Variants in COL27A1 observed in about 807,000 individuals in gnomAD.
COL27A1 encodes collagen alpha-1(XXVII) chain.
In COL27A1, 106 loss-of-function variants were observed where a neutral mutation model predicts 251.3. The observed-to-expected ratio is 0.42, with a 90% confidence interval of 0.36 to 0.50. COL27A1 has a LOEUF of 0.50. COL27A1 is among the 20% of genes least tolerant of loss of function. The pLI is 0.00. For synonymous variants in COL27A1, 1,000 were observed against 986.3 expected, an observed-to-expected ratio of 1.01 and a Z score of -0.26; for missense variants, 2,325 against 2,522.8, an observed-to-expected ratio of 0.92 and a Z score of 1.68.
rs2131663323 is a variant in COL27A1 at position 114,301,141 on chromosome 9, G to C, written c.4755+16G>C. Reference sequence around the variant, plus strand: ...GGGACTCCCGGTATGTGTGGGGATTGGACAGGAAGACTCCGGGGTCCCCTT... The same window carrying C: ...GGGACTCCCGGTATGTGTGGGGATTCGACAGGAAGACTCCGGGGTCCCCTT... On this transcript the variant is annotated intron_variant, in intron 52 of 60. Transcript: ENST00000356083. 1 of 1,613,734 alleles carries C rather than the reference G, an allele frequency of 6.2e-7. No individual in the cohort carries two copies. Among genetic ancestry groups the C allele is most frequent in the Non-Finnish European group, 8.5e-7 (1 of 1,179,780 alleles).
chr9:114,209,965 A>C (rs1055678801), intron 11 of COL27A1, among the ~76,000 whole-genome samples: 1 of 152,216 alleles, frequency 6.6e-6, no homozygotes. Context: ...CAACACTGCC[A>C]AAGTGCTGCG....
At chr9:114,223,004 C>T (rs1240519575) in intron 14 of COL27A1, among the ~76,000 whole-genome samples, 2 of 152,172 alleles carry the variant, frequency 1.3e-5, no homozygotes, top group Non-Finnish European at 2.9e-5. Context: ...CTGAGAGAGG[C>T]CTATACACGA....
rs1442532713 is a variant in COL27A1 at position 114,168,367 on chromosome 9, A to C, written c.812A>C (p.Asn271Thr). 6.2e-7 allele frequency: 1 copy of C among 1,613,274 alleles called. No homozygotes were observed. The highest frequency in any genetic ancestry group is 8.5e-7 in the Non-Finnish European group (1 of 1,179,990). ...QSDLALLGLENLTTATPALGS... is the reference protein window; with the variant it reads ...QSDLALLGLETLTTATPALGS... ...GACCTCGCCCTGCTAGGCCTGGAGA[A>C]CTTGACCACTGCCACACCAGCCCTG... The change falls in exon 3 of 61, where the codon AAC (asparagine) becomes ACC (threonine). Residue 271 changes from asparagine to threonine, a missense_variant. Asn to Thr is a moderately conservative substitution (Grantham distance 65, BLOSUM62 0). Around this residue, in one of 4 missense-constraint regions of COL27A1, gnomAD observed 1,183 missense variants for 1,144.1 expected, o/e 1.03. Transcript: ENST00000356083.
chr9:114,179,008 C>A (rs1827691919), intron 4 of COL27A1, among the ~76,000 whole-genome samples: 1 of 152,124 alleles, frequency 6.6e-6, no homozygotes. Flanking sequence ...GACTGGAACC[C>A]AGGCTCTTAC....
intron 44 of COL27A1, 41 bp from the exon 45 acceptor site, chr9:114,289,201 A>G: frequency 6.5e-7 from 1 of 1,541,222 alleles, no homozygotes; most frequent in Non-Finnish European, 8.8e-7. Context: ...CCCGGGAGAG[A>G]ATCCTGGGGC....
intron 37 of COL27A1, among the ~76,000 whole-genome samples, chr9:114,278,336 G>T (rs1225189243): frequency 9.1e-5 from 4 of 43,882 alleles, no homozygotes; most frequent in African/African-American, 3.2e-4. Flanking sequence ...TGGTGATGGT[G>T]GTGCTGGTGC....
chr9:114,304,096 C>A (rs139197469), intron 56 of COL27A1, among the ~76,000 whole-genome samples: 69 of 152,356 alleles, frequency 4.5e-4, no homozygotes, highest in African/African-American at 1.5e-3. Flanking sequence ...CCGGCTTGAA[C>A]AACTAAACTG....
At position 114,292,154 on chromosome 9, in the gene COL27A1, G is replaced by A; in HGVS notation, c.4528G>A (p.Glu1510Lys). 2 of 1,562,574 alleles carry A rather than the reference G, an allele frequency of 1.3e-6. No individual in the cohort carries two copies. Among genetic ancestry groups the A allele is most frequent in the Non-Finnish European group, 1.7e-6 (2 of 1,153,206 alleles). The part of the protein sequence containing the change: ...QLGPPGKRGT[E>K]GRTGLPGNQG... ...GGGTCCCCCTGGCAAGCGAGGAACA[G>A]AGGGCAGAACGGGGCTCCCTGGAAA... Residue 1510 changes from glutamate to lysine, a missense_variant, in exon 49 of 61, where the codon GAG becomes AAG. Glu to Lys is a moderately conservative substitution (Grantham distance 56). Around this residue, in one of 4 missense-constraint regions of COL27A1, gnomAD observed 153 missense variants for 140.7 expected, o/e 1.09. Coordinates refer to ENST00000356083, the MANE Select transcript of COL27A1 (RefSeq NM_032888.4).
chr9:114,309,841 G>A (rs957978331), intron 60 of COL27A1, among the ~76,000 whole-genome samples: 3 of 152,134 alleles, frequency 2.0e-5, no homozygotes, highest in Non-Finnish European at 2.9e-5. Flanking sequence ...TCCTGAACAG[G>A]GTGGGTTGTC....
At chr9:114,254,488 G>C (rs1333158154) in intron 27 of COL27A1, among the ~76,000 whole-genome samples, 3 of 152,154 alleles carry the variant, frequency 2.0e-5, no homozygotes, top group Non-Finnish European at 2.9e-5. Flanking sequence ...CCAAAGCCAG[G>C]GGTCAGGGCT....
At chr9:114,231,691 C>A in intron 15 of COL27A1, 131 bp from the exon 16 acceptor site, 1 of 894,910 alleles carries the variant, frequency 1.1e-6, no homozygotes. Flanking sequence ...CATTTGCCCC[C>A]TTTTACAGAT....
chr9:114,256,305 C>T (rs1164150507), intron 27 of COL27A1, among the ~76,000 whole-genome samples: 1 of 152,160 alleles, frequency 6.6e-6, no homozygotes, highest in African/African-American at 2.4e-5. Context: ...GCCTGGCTAA[C>T]ACGGTGAAAC....
At chr9:114,297,179 A>T (rs550763773) in intron 49 of COL27A1, among the ~76,000 whole-genome samples, 1 of 152,338 alleles carries the variant, frequency 6.6e-6, no homozygotes, top group Non-Finnish European at 1.5e-5. Flanking sequence ...AAATCAGATT[A>T]TACAATTTAA....
intron 35 of COL27A1, among the ~76,000 whole-genome samples, chr9:114,270,379 G>A (rs1411440072): frequency 6.6e-6 from 1 of 152,224 alleles, no homozygotes; most frequent in Non-Finnish European, 1.5e-5. Context: ...CTGCAGCCCA[G>A]CCAACCAGCC....
chr9:114,290,348 A>G lies in COL27A1; in HGVS notation c.4368+17A>G. 1.3e-6 allele frequency: 2 copies of G among 1,554,504 alleles called. No homozygotes were observed. The highest frequency in any genetic ancestry group is 1.2e-5 in the South Asian group (1 of 84,874). On this transcript the variant is annotated intron_variant, in intron 47 of 60. Transcript: ENST00000356083. This position sits in a 1 kb window ranked among gnomAD's most constrained non-coding sequence, Gnocchi z 4.6. ...GGACAGCAGGTGAGCGGGAATTGGC[A>G]TTAACAGATGGTGGCTCCATTTGGG... is the stretch of plus-strand genomic sequence containing the variant.
chr9:114,289,998 G>A (rs1056379722), intron 45 of COL27A1, 60 bp from the exon 46 acceptor site: 255 of 1,571,590 alleles, frequency 1.6e-4, no homozygotes, highest in Non-Finnish European at 2.2e-4. Flanking sequence ...TCCTTCCAGA[G>A]CCCCTAGGGT....
intron 3 of COL27A1, among the ~76,000 whole-genome samples, chr9:114,173,884 G>T (rs893741869): frequency 1.3e-5 from 2 of 152,122 alleles, no homozygotes; most frequent in East Asian, 3.9e-4. Flanking sequence ...CTAACCTGGG[G>T]TTAGTCGGTG....
intron 2 of COL27A1, 64 bp downstream of exon 2, chr9:114,162,849 G>T: frequency 8.3e-7 from 1 of 1,198,594 alleles, no homozygotes; most frequent in Non-Finnish European, 1.2e-6. Context: ...TGAGAACTCA[G>T]GGGTAGGAGA....
chr9:114,224,576 G>A lies in COL27A1; in HGVS notation c.2466+2309G>A, dbSNP rs150968498. Among the ~76,000 whole-genome samples the A allele has an allele frequency of 5.3e-5, 8 of 151,698 alleles. No individual in the cohort carries two copies. The East Asian group carries it at 1.4e-3, about 26-fold the overall frequency. On this transcript the variant is annotated intron_variant, in intron 14 of 60. Coordinates refer to ENST00000356083, the MANE Select transcript of COL27A1 (RefSeq NM_032888.4). ...TTCACTAGGTTGGGTCCTGAGAGGAGCAAGAATATTGCTTAGTGGAATAAA... is the reference window on the plus strand; with the variant it reads ...TTCACTAGGTTGGGTCCTGAGAGGAACAAGAATATTGCTTAGTGGAATAAA...
Sources: gnomAD v4.1 joint callset for allele counts (sites outside exome capture counted in the v4.1 genomes callset) on GRCh38, gnomAD v4.1.1 for gene constraint, gnomAD v4.1.1 regional missense constraint, Gnocchi (gnomAD v3.1) non-coding constraint, MANE v1.5 for transcripts, NCBI Gene and HGNC (gene_info 2026-07-23, HGNC 2026-07-21) for gene names.